PELI2: variants seen among roughly 807,000 people sequenced by gnomAD.
The protein encoded by PELI2 is E3 ubiquitin-protein ligase pellino homolog 2.
Under a neutral mutation model 42.3 loss-of-function variants are expected in PELI2, and 23 were observed. The ratio of observed to expected loss-of-function variants is 0.54; its 90% confidence interval spans 0.39 to 0.77. The LOEUF (loss-of-function observed/expected upper bound fraction) is 0.77, where lower values mean the gene tolerates loss of function less well. Ranked by LOEUF, PELI2 falls within the 30% of genes least tolerant of loss-of-function variation. PELI2 has a pLI of 0.00. For synonymous variants in PELI2, 245 were observed against 212.2 expected (o/e 1.15, Z -1.34); for missense variants, 463 against 553.2 (o/e 0.84, Z 1.64).
rs1890098754 is a variant in PELI2 at position 56,299,097 on chromosome 14, C to G, written c.*1931C>G. On this transcript the variant is annotated 3_prime_UTR_variant, in exon 6 of 6. Coordinates refer to ENST00000267460, the MANE Select transcript of PELI2 (RefSeq NM_021255.3). ...AAGAATGACAAAGGAGGCACTCGTTCTCTTTTCTTGCTGTATGCCTAGAAA... is the reference window on the plus strand; with the variant it reads ...AAGAATGACAAAGGAGGCACTCGTTGTCTTTTCTTGCTGTATGCCTAGAAA... 6.6e-6 allele frequency: 1 copy of G among 152,148 alleles called. No individual in the cohort carries two copies. Among genetic ancestry groups the G allele is most frequent in the Admixed American group, 6.5e-5 (1 of 15,272 alleles). 9.4% of individuals were successfully genotyped at this position (152,148 alleles called of 1,614,324 possible).
chr14:56,120,443 A>G (rs2139569288), intron 1 of PELI2, among the ~76,000 whole-genome samples: 1 of 152,360 alleles, frequency 6.6e-6, no homozygotes, highest in East Asian at 1.9e-4. Context: ...TTCCGAAGCC[A>G]CGGAAAGGAT....
intron 2 of PELI2, among the ~76,000 whole-genome samples, chr14:56,208,486 T>C (rs1886596013): frequency 6.6e-6 from 1 of 152,198 alleles, no homozygotes; most frequent in South Asian, 2.1e-4. Context: ...TTTCCTTGTG[T>C]TGACATTTGC....
At chr14:56,120,374 C>T (rs1883017087) in intron 1 of PELI2, among the ~76,000 whole-genome samples, 1 of 152,146 alleles carries the variant, frequency 6.6e-6, no homozygotes, top group South Asian at 2.1e-4. Flanking sequence ...TGAGATGTTT[C>T]AGAAAAGCAG....
intron 1 of PELI2, among the ~76,000 whole-genome samples, chr14:56,176,543 C>G (rs1469922896): frequency 6.6e-6 from 1 of 152,178 alleles, no homozygotes; most frequent in Non-Finnish European, 1.5e-5. Flanking sequence ...CTTCACTTGA[C>G]CAAAGCAAAG....
At chr14:56,225,585 AC>A (rs1340758409) in intron 2 of PELI2, among the ~76,000 whole-genome samples, 14 of 152,172 alleles carry the variant, frequency 9.2e-5, no homozygotes, top group African/African-American at 3.4e-4. Context: ...GGGCCATTCT[AC>A]TGGGGACACG....
At chr14:56,123,695 C>G (rs1460430957) in intron 1 of PELI2, among the ~76,000 whole-genome samples, 4 of 152,128 alleles carry the variant, frequency 2.6e-5, no homozygotes, top group African/African-American at 9.7e-5. Context: ...ATCCTGTGAT[C>G]AATATTTGGG....
chr14:56,177,411 C>A (rs866280403), intron 1 of PELI2, among the ~76,000 whole-genome samples: 3 of 152,160 alleles, frequency 2.0e-5, no homozygotes, highest in African/African-American at 7.2e-5. Context: ...GTCATACATA[C>A]CTCTGTAAAT....
At chr14:56,142,071 G>A (rs1388597169) in intron 1 of PELI2, among the ~76,000 whole-genome samples, 2 of 152,040 alleles carry the variant, frequency 1.3e-5, no homozygotes, top group Non-Finnish European at 1.5e-5. Context: ...TATCCCCCTT[G>A]GAAATAAGAC....
chr14:56,156,552 C>T (rs535501760), intron 1 of PELI2, among the ~76,000 whole-genome samples: 5 of 152,130 alleles, frequency 3.3e-5, no homozygotes, highest in Admixed American at 3.3e-4. Context: ...GGCTGTGTGA[C>T]CTTGAGGATG....
At position 56,297,109 on chromosome 14, in the gene PELI2, A is replaced by G. The variant is rs758023866; in HGVS notation, c.1206A>G (p.Thr402=). 2 of 1,607,122 alleles carry G rather than the reference A, an allele frequency of 1.2e-6. No homozygotes were observed. Among genetic ancestry groups the G allele is most frequent in the Non-Finnish European group, 8.5e-7 (1 of 1,179,916 alleles). ...ACGCTGCTTGCCCTTTCTGTGCTAC[A>G]CAGCTGGTTGGGGAGCAAAACTGCA... ...AFHAACPFCA[T]QLVGEQNCIK... The change falls in exon 6 of 6, where the codon ACA becomes ACG. Residue 402 remains threonine (T), a synonymous_variant. Transcript: ENST00000267460.
At position 56,127,843 on chromosome 14, in the gene PELI2, G is replaced by A. The variant is rs1883332194; in HGVS notation, c.77+9106G>A. ...TAAAAGATGTGAAATCAAAACTTTT[G>A]CATTCAAAATTGATCAACTGAGTGT... On this transcript the variant is annotated intron_variant, in intron 1 of 5. Coordinates refer to ENST00000267460, the MANE Select transcript of PELI2 (RefSeq NM_021255.3). 5.9e-5 allele frequency among the ~76,000 whole-genome samples: 9 copies of A among 152,200 alleles called. 1 individual carries two copies. In the South Asian group the frequency reaches 1.9e-3, roughly 32 times the overall value.
At chr14:56,182,864 G>A (rs893247492) in intron 2 of PELI2, among the ~76,000 whole-genome samples, 9 of 152,066 alleles carry the variant, frequency 5.9e-5, no homozygotes, top group Non-Finnish European at 1.3e-4. Context: ...GATGTGCTGG[G>A]GTCCACTTTG....
chr14:56,160,021 T>A (rs1382893773), intron 1 of PELI2, among the ~76,000 whole-genome samples: 1 of 152,140 alleles, frequency 6.6e-6, no homozygotes, highest in Non-Finnish European at 1.5e-5. Context: ...GTTTTTTTTT[T>A]TTTTAGGTAG....
chr14:56,292,676 T>C (rs1432929670), intron 5 of PELI2: 3 of 449,188 alleles, frequency 6.7e-6, no homozygotes, highest in Non-Finnish European at 2.9e-6. Flanking sequence ...AATATACTAA[T>C]GTATGTGTAA....
intron 1 of PELI2, among the ~76,000 whole-genome samples, chr14:56,140,429 T>A (rs1477908577): frequency 6.6e-6 from 1 of 152,230 alleles, no homozygotes; most frequent in Non-Finnish European, 1.5e-5. Flanking sequence ...GATACAACAA[T>A]AATGTCTCCT....
At chr14:56,126,321 CA>C (rs1343404867) in intron 1 of PELI2, among the ~76,000 whole-genome samples, 6 of 152,306 alleles carry the variant, frequency 3.9e-5, no homozygotes, top group South Asian at 2.1e-4. Context: ...AAATATGCAT[CA>C]GGGGGCATTT....
chr14:56,288,459 C>G lies in PELI2; in HGVS notation c.332C>G (p.Pro111Arg), dbSNP rs1301022379. 2 of 1,613,786 alleles carry G rather than the reference C, an allele frequency of 1.2e-6. No homozygotes were observed. Among genetic ancestry groups the G allele is most frequent in the African/African-American group, 1.3e-5 (1 of 74,894 alleles). The stretch of plus-strand genomic sequence containing the variant: ...TAGGTGGGCAGATCAACAGAAAGCC[C>G]TATCGACTTCGTTGTCACAGACACG... The part of the protein sequence containing the change: ...MFQVGRSTES[P>R]IDFVVTDTIS... The change falls in exon 4 of 6, where the codon CCT (proline) becomes CGT (arginine). Residue 111 changes from proline to arginine, a missense_variant. By Grantham distance (103) the Pro-to-Arg change is moderately radical (BLOSUM62 -2). Coordinates refer to ENST00000267460, the MANE Select transcript of PELI2 (RefSeq NM_021255.3). This position sits in a 1 kb window ranked among gnomAD's most constrained non-coding sequence, Gnocchi z 4.6.
In PELI2 at chr14:56,219,134, T is replaced by A. The variant is rs1371081671; in HGVS notation, c.207+40670T>A. ...ACAAGCCATTTTAAGTATCCTGGTC[T>A]CTTAATTCCTTTTTTATTTTTTTTT... is the stretch of plus-strand genomic sequence containing the variant. On this transcript the variant is annotated intron_variant, in intron 2 of 5. Transcript: ENST00000267460. The surrounding 1 kb of genome is among the most constrained non-coding windows in gnomAD (Gnocchi z 4.1). 6.9e-6 allele frequency among the ~76,000 whole-genome samples: 1 copy of A among 145,364 alleles called. No individual in the cohort carries two copies. The highest frequency in any genetic ancestry group is 2.8e-5 in the African/African-American group (1 of 35,152).
intron 2 of PELI2, among the ~76,000 whole-genome samples, chr14:56,227,471 T>C (rs970675453): frequency 6.6e-6 from 1 of 152,160 alleles, no homozygotes; most frequent in Non-Finnish European, 1.5e-5. Flanking sequence ...ATTACAAAAA[T>C]GGAAAGGAGA....
Sources: gnomAD v4.1 joint callset for allele counts (sites outside exome capture counted in the v4.1 genomes callset) on GRCh38, gnomAD v4.1.1 for gene constraint, Gnocchi (gnomAD v3.1) non-coding constraint, MANE v1.5 for transcripts, NCBI Gene and HGNC (gene_info 2026-07-23, HGNC 2026-07-21) for gene names.